Variants in MYLK4 observed in about 807,000 individuals in gnomAD.
The protein encoded by MYLK4 is caMLCK like.
MYLK4 carries 46 observed loss-of-function variants against 48.1 expected under a neutral mutation model. The observed-to-expected ratio is 0.96, with a 90% CI of 0.75 to 1.22. The LOEUF is 1.22. Ranked by LOEUF, MYLK4 falls within the 50% of genes most tolerant of loss-of-function variation. MYLK4 has a pLI of 0.00. For synonymous variants in MYLK4, 170 were observed against 180.8 expected (o/e 0.94, Z 0.48); for missense variants, 451 against 486.1 (o/e 0.93, Z 0.68).
intron 2 of MYLK4, among the ~76,000 whole-genome samples, chr6:2,713,587 T>A (rs539442905): frequency 6.6e-6 from 1 of 152,254 alleles, no homozygotes; most frequent in African/African-American, 2.4e-5. Flanking sequence ...ATGGCCCTGA[T>A]ACTTGGAACA....
chr6:2,738,408 T>A lies in MYLK4; in HGVS notation c.159+10728A>T, dbSNP rs182859388. On this transcript the variant is annotated intron_variant, in intron 2 of 12. Coordinates refer to ENST00000274643, the MANE Select transcript of MYLK4 (RefSeq NM_001012418.5). ...TTTAGTTTATAATCTTCCAGCCTTA[T>A]TCTATATGCATGAGGGAATCATTAG... Among the ~76,000 whole-genome samples the A allele has an allele frequency of 2.3e-4, 35 of 152,360 alleles. No homozygotes were observed. In the East Asian group the frequency reaches 4.4e-3, roughly 19 times the overall value.
chr6:2,765,781 G>T, the MYLK4 span: 39 of 1,439,670 alleles, frequency 2.7e-5, no homozygotes, highest in Non-Finnish European at 3.1e-5. Flanking sequence ...CCGCGGCCGG[G>T]TCGCACCGCG....
Position 2,679,262 on chromosome 6 carries a change from C to G in MYLK4, c.887+18G>C, listed in dbSNP as rs999966013. ...CATGGAGTTGGAGAAGGGTCAGAGA[C>G]AGAGGAGAGCTACTCACAGCATATA... On this transcript the variant is annotated intron_variant, in intron 9 of 12. Transcript: ENST00000274643. 2 of 1,613,884 alleles carry G rather than the reference C, an allele frequency of 1.2e-6. No individual in the cohort carries two copies. Among genetic ancestry groups the G allele is most frequent in the Middle Eastern group, 1.6e-4 (1 of 6,062 alleles).
chr6:2,762,870 T>C, the MYLK4 span, among the ~76,000 whole-genome samples: 3 of 152,046 alleles, frequency 2.0e-5, no homozygotes, highest in Non-Finnish European at 4.4e-5. Flanking sequence ...GTTCAGTGGG[T>C]TTGTGGTCTG....
the MYLK4 span, chr6:2,765,901 G>A: frequency 6.9e-7 from 1 of 1,456,998 alleles, no homozygotes; most frequent in South Asian, 1.3e-5. Flanking sequence ...AGAGCAGCGA[G>A]GGCGAGGGTG....
At chr6:2,753,947 G>A (rs1458059069), upstream of MYLK4, among the ~76,000 whole-genome samples, 1 of 149,898 alleles carries the variant, frequency 6.7e-6, no homozygotes, top group Admixed American at 6.7e-5. Context: ...GATCACTTCA[G>A]TCCAGGAGTT....
chr6:2,703,726 AGTAGCACGAT>A (rs1279833685), intron 2 of MYLK4, among the ~76,000 whole-genome samples: 1 of 119,678 alleles, frequency 8.4e-6, no homozygotes, highest in East Asian at 2.8e-4. Flanking sequence ...GCTGGAGTGC[AGTAGCACGAT>A]TTCGGCTCAC....
At chr6:2,670,530 C>G (rs886680215) in intron 12 of MYLK4, among the ~76,000 whole-genome samples, 1 of 152,200 alleles carries the variant, frequency 6.6e-6, no homozygotes, top group African/African-American at 2.4e-5. Flanking sequence ...CCGGCAAGGA[C>G]ATGAATGTTG....
intron 2 of MYLK4, among the ~76,000 whole-genome samples, chr6:2,695,942 C>T (rs1402747076): frequency 1.8e-4 from 27 of 152,224 alleles, no homozygotes; most frequent in Admixed American, 1.5e-3. Context: ...TCCTGACCAT[C>T]CCCAGTTAAT....
the MYLK4 span, among the ~76,000 whole-genome samples, chr6:2,767,049 A>T: frequency 2.0e-5 from 3 of 152,166 alleles, no homozygotes; most frequent in Non-Finnish European, 4.4e-5. Context: ...TTTCATCTGC[A>T]AGTCATTTTC....
chr6:2,753,051 GA>G (rs1764335810), upstream of MYLK4, among the ~76,000 whole-genome samples: 1 of 152,134 alleles, frequency 6.6e-6, no homozygotes, highest in African/African-American at 2.4e-5. Flanking sequence ...CTTATACCCG[GA>G]AAAATTCATT....
the MYLK4 span, among the ~76,000 whole-genome samples, chr6:2,763,715 A>T: frequency 6.6e-6 from 1 of 152,192 alleles, no homozygotes; most frequent in Non-Finnish European, 1.5e-5. Context: ...AAGAGCTCCC[A>T]TAGTACAGCG....
In MYLK4 at chr6:2,664,278, G is replaced by A. The variant is rs1217977850; in HGVS notation, c.*3647C>T. On this transcript the variant is annotated 3_prime_UTR_variant, in exon 13 of 13. Coordinates refer to ENST00000274643, the MANE Select transcript of MYLK4 (RefSeq NM_001012418.5). ...TAAAAGAGAGTGCAAAAGCAAAGGC[G>A]AAGCTTTGTGGATATTGGGAAGTAG... 2 of 152,252 alleles carry A rather than the reference G, an allele frequency of 1.3e-5. No individual in the cohort carries two copies. Among genetic ancestry groups the A allele is most frequent in the Non-Finnish European group, 2.9e-5 (2 of 68,050 alleles). 9.4% of individuals were successfully genotyped at this position (152,252 alleles called of 1,614,324 possible).
intron 2 of MYLK4, among the ~76,000 whole-genome samples, chr6:2,732,157 C>T (rs1561873435): frequency 6.6e-6 from 1 of 152,202 alleles, no homozygotes; most frequent in Non-Finnish European, 1.5e-5. Context: ...TCAGACATGC[C>T]AGCTTCCACG....
chr6:2,692,949 G>C (rs967554928), intron 2 of MYLK4, 90 bp from the exon 3 acceptor site: 6 of 1,179,358 alleles, frequency 5.1e-6, no homozygotes, highest in Admixed American at 4.2e-5. Flanking sequence ...GGATGATTCC[G>C]TGTGGTGGGG....
the MYLK4 span, chr6:2,765,656 C>G: frequency 6.5e-7 from 1 of 1,546,982 alleles, no homozygotes; most frequent in Non-Finnish European, 8.7e-7. Context: ...CGACCCCTTC[C>G]TTTCGCAGCT....
Position 2,672,713 on chromosome 6 carries a change from C to T in MYLK4, c.1120-1365G>A, listed in dbSNP as rs1354224125. On this transcript the variant is annotated intron_variant, in intron 11 of 12. Coordinates refer to ENST00000274643, the MANE Select transcript of MYLK4 (RefSeq NM_001012418.5). The surrounding 1 kb of genome is among the most constrained non-coding windows in gnomAD (Gnocchi z 4.3). Reference sequence around the variant, plus strand: ...TATACTAAGTTTGAATATTGATTTTCAGTAACACTAAAACTGTATGGTACA... The same window carrying T: ...TATACTAAGTTTGAATATTGATTTTTAGTAACACTAAAACTGTATGGTACA... Among the ~76,000 whole-genome samples, 1 of 152,174 alleles carries T rather than the reference C, an allele frequency of 6.6e-6. No individual in the cohort carries two copies. The highest frequency in any genetic ancestry group is 1.5e-5 in the Non-Finnish European group (1 of 68,028).
At chr6:2,769,645 C>T in the MYLK4 span, among the ~76,000 whole-genome samples, 1 of 152,052 alleles carries the variant, frequency 6.6e-6, no homozygotes, top group Non-Finnish European at 1.5e-5. Flanking sequence ...GGACCACTGA[C>T]TCATCTTAGT....
chr6:2,714,926 G>A (rs4959203), intron 2 of MYLK4, among the ~76,000 whole-genome samples: 129,745 of 152,190 alleles, frequency 0.85, 55,401 homozygotes, highest in Admixed American at 0.89. Context: ...GTAGAACAGT[G>A]GTTGCCAGGG....
Sources: allele counts gnomAD v4.1 joint callset (sites outside exome capture counted in the v4.1 genomes callset), GRCh38; gene constraint gnomAD v4.1.1; non-coding constraint Gnocchi (gnomAD v3.1); transcripts MANE v1.5; gene names NCBI Gene and HGNC (gene_info 2026-07-23, HGNC 2026-07-21).